Variants in NRG3 observed in about 807,000 individuals in gnomAD.
The protein encoded by NRG3 is pro-neuregulin-3, membrane-bound isoform.
Under a neutral mutation model 66.9 loss-of-function variants are expected in NRG3, and 31 were observed. That is an observed-to-expected ratio of 0.46 (90% CI 0.35 to 0.63). The LOEUF is 0.63. NRG3 is among the 20% of genes least tolerant of loss of function. NRG3 has a pLI of 0.00. For missense variants in NRG3, 910 were observed against 878.9 expected (o/e 1.04, Z -0.45); for synonymous variants, 393 against 359.4 (o/e 1.09, Z -1.06).
At chr10:82,191,533 G>A (rs1214177686) in intron 1 of NRG3, among the ~76,000 whole-genome samples, 1 of 152,040 alleles carries the variant, frequency 6.6e-6, no homozygotes, top group Non-Finnish European at 1.5e-5. Context: ...ATGATAAAAT[G>A]TACAAACTAG....
chr10:81,916,598 G>A (rs1845735458), intron 1 of NRG3, among the ~76,000 whole-genome samples: 1 of 152,114 alleles, frequency 6.6e-6, no homozygotes, highest in South Asian at 2.1e-4. Flanking sequence ...ATAGAATAAC[G>A]AACCCAAGGG....
At chr10:82,093,235 G>C (rs1392853281) in intron 1 of NRG3, among the ~76,000 whole-genome samples, 1 of 152,182 alleles carries the variant, frequency 6.6e-6, no homozygotes, top group Non-Finnish European at 1.5e-5. Context: ...GATACAATGT[G>C]TTCCTCATAA....
chr10:82,094,587 AGT>A (rs752454207), intron 1 of NRG3, among the ~76,000 whole-genome samples: 9 of 152,190 alleles, frequency 5.9e-5, no homozygotes, highest in Non-Finnish European at 1.3e-4. Context: ...AATCAATCTA[AGT>A]GTCCATCAAT....
At chr10:82,183,970 C>A (rs2073623175) in intron 1 of NRG3, among the ~76,000 whole-genome samples, 1 of 152,032 alleles carries the variant, frequency 6.6e-6, no homozygotes, top group South Asian at 2.1e-4. Flanking sequence ...GTAAGTCCTG[C>A]CTCACTGGGA....
At chr10:82,905,042 G>T (rs1351041930) in intron 4 of NRG3, among the ~76,000 whole-genome samples, 1 of 152,066 alleles carries the variant, frequency 6.6e-6, no homozygotes, top group Admixed American at 6.5e-5. Context: ...AATTAATTGT[G>T]CTCCAAGGCT....
intron 4 of NRG3, among the ~76,000 whole-genome samples, chr10:82,871,243 T>C (rs1309563752): frequency 1.3e-5 from 2 of 151,936 alleles, no homozygotes; most frequent in Non-Finnish European, 2.9e-5. Context: ...TTAATGTGTA[T>C]CTATTCTGAG....
Position 82,145,446 on chromosome 10 carries a change from A to G in NRG3, c.824-213293A>G, listed in dbSNP as rs184348332. Among the ~76,000 whole-genome samples the G allele has an allele frequency of 1.2e-3, 184 of 152,298 alleles. 1 individual carries two copies. The highest frequency in any genetic ancestry group is 2.0e-3 in the Non-Finnish European group (139 of 68,016). ...CTGTAAAATGGGAATATCAAAGCTCATGTGTTCTCACATGATTTTTATGGA... is the reference window on the plus strand; with the variant it reads ...CTGTAAAATGGGAATATCAAAGCTCGTGTGTTCTCACATGATTTTTATGGA... On this transcript the variant is annotated intron_variant, in intron 1 of 8. Transcript: ENST00000372141.
chr10:82,742,001 C>T (rs112725057), intron 3 of NRG3, among the ~76,000 whole-genome samples: 4 of 152,244 alleles, frequency 2.6e-5, no homozygotes, highest in African/African-American at 9.6e-5. Flanking sequence ...ATTTGCTGCT[C>T]ATGATATCTT....
At chr10:82,870,893 A>G (rs904131213) in intron 4 of NRG3, among the ~76,000 whole-genome samples, 1 of 152,154 alleles carries the variant, frequency 6.6e-6, no homozygotes, top group Non-Finnish European at 1.5e-5. Context: ...TCTTGACAGT[A>G]TGCTTTGCAA....
At chr10:81,958,033 T>C (rs1850005618) in intron 1 of NRG3, among the ~76,000 whole-genome samples, 1 of 152,172 alleles carries the variant, frequency 6.6e-6, no homozygotes, top group Admixed American at 6.5e-5. Context: ...CTAGGGGTTG[T>C]TAACACTTTT....
Position 82,463,271 on chromosome 10 carries a change from C to A in NRG3, c.953+104403C>A, listed in dbSNP as rs2091607493. On this transcript the variant is annotated intron_variant, in intron 2 of 8. Coordinates refer to ENST00000372141, the MANE Select transcript of NRG3 (RefSeq NM_001010848.4). ...ACAGACTTGGAGAAGGATCATAATT[C>A]ATTATAATTAGTCTTCTTTGATCAT... Among the ~76,000 whole-genome samples, 5 of 152,130 alleles carry A rather than the reference C, an allele frequency of 3.3e-5. No individual in the cohort carries two copies. The South Asian group carries it at 6.2e-4, about 19-fold the overall frequency.
chr10:82,077,584 G>A (rs182665285), intron 1 of NRG3, among the ~76,000 whole-genome samples: 1 of 152,142 alleles, frequency 6.6e-6, no homozygotes, highest in Non-Finnish European at 1.5e-5. Flanking sequence ...AGAAGTAGGG[G>A]TTGGCACAGG....
intron 2 of NRG3, among the ~76,000 whole-genome samples, chr10:82,666,219 T>C (rs2052768872): frequency 6.6e-6 from 1 of 152,200 alleles, no homozygotes; most frequent in South Asian, 2.1e-4. Flanking sequence ...TCAGGCCCCC[T>C]TCATAAATTA....
chr10:82,302,127 C>A (rs944804554), intron 1 of NRG3, among the ~76,000 whole-genome samples: 1 of 150,744 alleles, frequency 6.6e-6, no homozygotes, highest in Non-Finnish European at 1.5e-5. Flanking sequence ...GATTGTTTAG[C>A]AGTTCTGTTT....
chr10:82,233,611 T>G (rs1039764247), intron 1 of NRG3, among the ~76,000 whole-genome samples: 1 of 152,148 alleles, frequency 6.6e-6, no homozygotes, highest in Non-Finnish European at 1.5e-5. Context: ...GATTCACTCT[T>G]GTGTATCTAA....
At chr10:82,744,946 A>C (rs480220) in intron 3 of NRG3, among the ~76,000 whole-genome samples, 105,586 of 151,908 alleles carry the variant, frequency 0.7, 37,232 homozygotes, top group South Asian at 0.75. Context: ...ATTAGTACAC[A>C]GTGTACAAGG....
chr10:81,920,642 C>T (rs1343882765), intron 1 of NRG3, among the ~76,000 whole-genome samples: 1 of 152,120 alleles, frequency 6.6e-6, no homozygotes, highest in African/African-American at 2.4e-5. Context: ...ATTATGCCAA[C>T]CCCAGAAAGC....
chr10:82,831,833 C>T (rs1034538089), intron 3 of NRG3, among the ~76,000 whole-genome samples: 1 of 152,048 alleles, frequency 6.6e-6, no homozygotes, highest in Non-Finnish European at 1.5e-5. Flanking sequence ...TGCTCTAGGG[C>T]ATGCAGATGG....
At chr10:82,950,696 G>T (rs573089419) in intron 4 of NRG3, among the ~76,000 whole-genome samples, 2 of 152,280 alleles carry the variant, frequency 1.3e-5, no homozygotes, top group African/African-American at 4.8e-5. Context: ...AAGACAAGAC[G>T]AGGATAATTA....
Sources: allele counts gnomAD v4.1 joint callset (sites outside exome capture counted in the v4.1 genomes callset), GRCh38; gene constraint gnomAD v4.1.1; transcripts MANE v1.5; gene names NCBI Gene and HGNC (gene_info 2026-07-23, HGNC 2026-07-21).